SCOC: variants seen among roughly 807,000 people sequenced by gnomAD.
SCOC encodes the protein short coiled coil protein.
Under a neutral mutation model 9.9 loss-of-function variants are expected in SCOC, and 7 were observed. The ratio of observed to expected loss-of-function variants is 0.71; its 90% CI spans 0.40 to 1.33. SCOC has a LOEUF of 1.33. SCOC is among the 40% of genes most tolerant of loss of function. The pLI, the probability that SCOC is intolerant of heterozygous loss-of-function variation, is 0.01. For synonymous variants in SCOC, 19 were observed against 28.2 expected (o/e 0.67, Z 1.03); for missense variants, 66 against 89.7 (o/e 0.74, Z 1.07).
intron 1 of SCOC, among the ~76,000 whole-genome samples, chr4:140,298,095 A>G (rs1196610133): frequency 3.3e-5 from 5 of 152,222 alleles, no homozygotes; most frequent in Non-Finnish European, 7.4e-5. Context: ...AGGTATTGGG[A>G]AGGGGACATC....
intron 2 of SCOC, among the ~76,000 whole-genome samples, chr4:140,362,077 C>A (rs947846107): frequency 8.2e-6 from 1 of 122,516 alleles, no homozygotes; most frequent in Non-Finnish European, 1.8e-5. Context: ...CAGACACAGC[C>A]CCTATCCCTT....
At chr4:140,296,401 G>A (rs1308871075) in intron 1 of SCOC, among the ~76,000 whole-genome samples, 7 of 152,184 alleles carry the variant, frequency 4.6e-5, no homozygotes, top group Non-Finnish European at 1.0e-4. Context: ...TTTCTAGCTG[G>A]ATGTGCTGAA....
chr4:140,317,892 C>G (rs1417419867), intron 1 of SCOC, among the ~76,000 whole-genome samples: 2 of 126,802 alleles, frequency 1.6e-5, no homozygotes, highest in Admixed American at 9.0e-5. Context: ...TATTCCCCTT[C>G]CTGTGTCCAT....
rs1183789218 is a variant in SCOC, at chr4:140,362,299, C to CT, written c.71-16806dup. 1.1e-3 allele frequency among the ~76,000 whole-genome samples: 41 copies of CT among 38,372 alleles called. 4 individuals are homozygous for CT. The highest frequency in any genetic ancestry group is 1.2e-3 in the African/African-American group (16 of 13,384). 25.2% of individuals were successfully genotyped at this position (38,372 alleles called of 152,430 possible). On this transcript the variant is annotated intron_variant, in intron 2 of 4. Transcript: ENST00000338517. ...CTTACTTCTTCTTCTTCTTCTTCTT[C>CT]TTTTTTTTTTTTTTTTGTGAGAGTC...
chr4:140,369,240 A>ATAGT (rs1179156285), upstream of SCOC: 1 of 446,308 alleles, frequency 2.2e-6, no homozygotes, highest in Non-Finnish European at 4.5e-6. Context: ...ATAGTATACT[A>ATAGT]GGCTGTAGTA....
intron 2 of SCOC, among the ~76,000 whole-genome samples, chr4:140,351,422 C>T (rs1346111436): frequency 6.6e-6 from 1 of 152,130 alleles, no homozygotes; most frequent in Non-Finnish European, 1.5e-5. Flanking sequence ...GCCGCCTCCC[C>T]GTCGATGTCC....
At chr4:140,292,141 C>T (rs1731493264) in intron 1 of SCOC, among the ~76,000 whole-genome samples, 1 of 151,904 alleles carries the variant, frequency 6.6e-6, no homozygotes, top group Non-Finnish European at 1.5e-5. Context: ...TATGTTCAAC[C>T]ACCTTGATCA....
intron 2 of SCOC, among the ~76,000 whole-genome samples, chr4:140,355,251 T>G (rs1046814764): frequency 2.1e-5 from 3 of 140,972 alleles, no homozygotes; most frequent in African/African-American, 7.9e-5. Context: ...ATATATATAA[T>G]GTATATAAAA....
intron 1 of SCOC, among the ~76,000 whole-genome samples, chr4:140,318,790 T>C (rs904475430): frequency 1.3e-5 from 2 of 151,830 alleles, no homozygotes; most frequent in Non-Finnish European, 2.9e-5. Context: ...CGTATGTTTA[T>C]TGCGGCATTA....
At chr4:140,267,235 G>A (rs1730748099) in intron 1 of SCOC, among the ~76,000 whole-genome samples, 1 of 152,194 alleles carries the variant, frequency 6.6e-6, no homozygotes, top group Non-Finnish European at 1.5e-5. Context: ...GGCCAAAGGA[G>A]CGGGTTGACT....
intron 2 of SCOC, among the ~76,000 whole-genome samples, chr4:140,355,463 T>G (rs1727187987): frequency 6.6e-6 from 1 of 152,126 alleles, no homozygotes; most frequent in African/African-American, 2.4e-5. Flanking sequence ...TTTAGTACAT[T>G]GCACAATGCA....
chr4:140,367,638 A>C (rs1269690915), intron 2 of SCOC, among the ~76,000 whole-genome samples: 2 of 152,192 alleles, frequency 1.3e-5, no homozygotes, highest in Non-Finnish European at 2.9e-5. Context: ...TCAGCCTCCC[A>C]AAGTTCTGGG....
intron 1 of SCOC, among the ~76,000 whole-genome samples, chr4:140,336,982 C>T (rs556541085): frequency 6.6e-6 from 1 of 152,272 alleles, no homozygotes; most frequent in Non-Finnish European, 1.5e-5. Flanking sequence ...GCATTTCCTT[C>T]ATTACCAAAG....
chr4:140,373,643 G>A (rs1310272627), upstream of SCOC: 8 of 1,551,446 alleles, frequency 5.2e-6, no homozygotes, highest in African/African-American at 5.5e-5. Flanking sequence ...CGGAGCTGCC[G>A]GGGTCAGTTG....
At chr4:140,312,823 G>A (rs1732194757) in intron 1 of SCOC, among the ~76,000 whole-genome samples, 1 of 152,126 alleles carries the variant, frequency 6.6e-6, no homozygotes, top group African/African-American at 2.4e-5. Flanking sequence ...CCTTGTAATT[G>A]TTGCTACAAC....
At chr4:140,314,747 T>C (rs1483172203) in intron 1 of SCOC, among the ~76,000 whole-genome samples, 1 of 152,092 alleles carries the variant, frequency 6.6e-6, no homozygotes, top group Non-Finnish European at 1.5e-5. Context: ...AGCGAGGTGC[T>C]AAGTGGAGAC....
chr4:140,302,824 A>G (rs1326310761), intron 1 of SCOC, among the ~76,000 whole-genome samples: 1 of 152,234 alleles, frequency 6.6e-6, no homozygotes, highest in East Asian at 1.9e-4. Flanking sequence ...AGACGTAGTT[A>G]CCCAGCTGAA....
upstream of SCOC, chr4:140,373,388 G>T: frequency 6.9e-7 from 1 of 1,457,606 alleles, no homozygotes. Context: ...GCGCCGCTTA[G>T]CTTCGCTTCT....
chr4:140,332,613 T>C (rs895212383), intron 1 of SCOC, among the ~76,000 whole-genome samples: 3 of 152,004 alleles, frequency 2.0e-5, no homozygotes, highest in Admixed American at 6.6e-5. Flanking sequence ...TCCTGACCTC[T>C]TGAACTGCCT....
Sources: gnomAD v4.1 joint callset for allele counts (sites outside exome capture counted in the v4.1 genomes callset) on GRCh38, gnomAD v4.1.1 for gene constraint, MANE v1.5 for transcripts, NCBI Gene and HGNC (gene_info 2026-07-23, HGNC 2026-07-21) for gene names.